The following ZNF558 variants were observed in gnomAD, a reference collection of about 807,000 sequenced individuals.
ZNF558 encodes zinc finger protein 558.
A neutral mutation model predicts 37.6 loss-of-function variants in ZNF558; 23 were observed. That is an observed-to-expected ratio of 0.61 (90% CI 0.44 to 0.87). ZNF558 has a LOEUF of 0.87. Among genes scored for constraint, ZNF558 ranks in the 40% least tolerant of loss-of-function variants. The pLI is 0.00. For missense variants in ZNF558, 429 were observed against 483.7 expected, an observed-to-expected ratio of 0.89 and a Z score of 1.06; for synonymous variants, 189 against 174.4, an observed-to-expected ratio of 1.08 and a Z score of -0.66.
At position 8,822,985 on chromosome 19, in the gene ZNF558, T is replaced by C. The variant is rs1317286820; in HGVS notation, c.-65-261A>G. On this transcript the variant is annotated intron_variant, in intron 4 of 9. Transcript: ENST00000601372. This position sits in a 1 kb window ranked among gnomAD's most constrained non-coding sequence, Gnocchi z 4.4. ...CTCGGCTTCACGCAGTCTCACGGCA[T>C]GTTCTTCCCATCCAAGCGCACCACA... 1.1e-5 allele frequency: 4 copies of C among 368,942 alleles called. No homozygotes were observed. The highest frequency in any genetic ancestry group is 2.0e-5 in the African/African-American group (1 of 48,972). The allele number at this position is 368,942 out of a possible 1,614,324, so 22.9% of individuals were successfully genotyped here.
rs1208017360 is a variant in ZNF558, at chr19:8,809,697, C to T, written c.*1584G>A. 3.3e-5 allele frequency: 5 copies of T among 152,054 alleles called. No individual in the cohort carries two copies. The highest frequency in any genetic ancestry group is 1.2e-4 in the African/African-American group (5 of 41,398). The allele number at this position is 152,054 out of a possible 1,614,324, so 9.4% of individuals were successfully genotyped here. ...ACAAGCAAATTAATTATAATAAATA[C>T]ATTGCATTAAAATTATGAAATATGT... On this transcript the variant is annotated 3_prime_UTR_variant, in exon 10 of 10. Transcript: ENST00000601372.
chr19:8,820,143 G>A (rs1249442474), intron 7 of ZNF558, among the ~76,000 whole-genome samples: 1 of 152,162 alleles, frequency 6.6e-6, no homozygotes, highest in Non-Finnish European at 1.5e-5. Context: ...GGCAAGTGCT[G>A]GGAAGATGCA....
chr19:8,813,367 T>A (rs1449960018), intron 7 of ZNF558, 145 bp from the exon 8 acceptor site: 18 of 654,414 alleles, frequency 2.8e-5, no homozygotes, highest in Admixed American at 1.1e-4. Flanking sequence ...TTCTTTTTTT[T>A]ATTTATTTTG....
At chr19:8,817,134 A>C (rs2043958766) in intron 7 of ZNF558, among the ~76,000 whole-genome samples, 1 of 152,206 alleles carries the variant, frequency 6.6e-6, no homozygotes, top group African/African-American at 2.4e-5. Context: ...GAAAAAAGTA[A>C]ATAGTTATAG....
chr19:8,820,319 A>G (rs1439863084), intron 7 of ZNF558, among the ~76,000 whole-genome samples: 16 of 152,212 alleles, frequency 1.1e-4, no homozygotes, highest in Non-Finnish European at 2.2e-4. Flanking sequence ...GTACACAAAA[A>G]TTCATAGTAT....
At chr19:8,826,628 G>A (rs989321332) in intron 2 of ZNF558, among the ~76,000 whole-genome samples, 3 of 152,028 alleles carry the variant, frequency 2.0e-5, no homozygotes, top group South Asian at 4.1e-4. Context: ...ATGAAGCTTC[G>A]CTCACCTGCC....
At chr19:8,833,590 A>G (rs1055640695), upstream of ZNF558, 2 of 152,192 alleles carry the variant, frequency 1.3e-5, no homozygotes, top group African/African-American at 4.8e-5. Context: ...AAAATAGGTA[A>G]ACGTCCTTGC....
At position 8,810,860 on chromosome 19, in the gene ZNF558, C is replaced by T. The variant is rs1162728309; in HGVS notation, c.*421G>A. The T allele has an allele frequency of 6.1e-6, 1 of 163,832 alleles. No homozygotes were observed. The highest frequency in any genetic ancestry group is 1.3e-5 in the Non-Finnish European group (1 of 75,102). The allele number at this position is 163,832 out of a possible 1,614,324, so 10.1% of individuals were successfully genotyped here. ...ATTGGTCCTCTCTTGGATCACTAAC[C>T]TTGGCGAGAACTTATTGCCAAATTG... On this transcript the variant is annotated 3_prime_UTR_variant, in exon 10 of 10. Transcript: ENST00000601372.
intron 8 of ZNF558, 34 bp from the exon 9 acceptor site, chr19:8,812,677 G>T: frequency 6.8e-7 from 1 of 1,460,762 alleles, no homozygotes; most frequent in South Asian, 1.3e-5. Flanking sequence ...TAGGTTGATG[G>T]AGAAAAGAAA....
At position 8,806,567 on chromosome 19, in the gene ZNF558, C is replaced by T. The variant is rs1343747546; in HGVS notation, c.*4714G>A. 1 of 152,044 alleles carries T rather than the reference C, an allele frequency of 6.6e-6. No homozygotes were observed. The highest frequency in any genetic ancestry group is 1.5e-5 in the Non-Finnish European group (1 of 68,080). 9.4% of individuals were successfully genotyped at this position (152,044 alleles called of 1,614,324 possible). On this transcript the variant is annotated 3_prime_UTR_variant, in exon 10 of 10. Transcript: ENST00000601372. The stretch of plus-strand genomic sequence containing the variant: ...TACAAAAATTAGCTGGGCGTGGTAG[C>T]ACACACCTGTAGTCCCAGCTACTCA...
chr19:8,828,290 C>T (rs894406144), intron 2 of ZNF558, among the ~76,000 whole-genome samples: 5 of 152,186 alleles, frequency 3.3e-5, no homozygotes, highest in African/African-American at 9.7e-5. Context: ...TCTTAACATG[C>T]GTCCCTGAGT....
At chr19:8,823,318 C>A (rs910179122) in intron 4 of ZNF558, among the ~76,000 whole-genome samples, 1 of 151,844 alleles carries the variant, frequency 6.6e-6, no homozygotes, top group Non-Finnish European at 1.5e-5. Flanking sequence ...TGTCCTCCGA[C>A]CACACGCAGG....
chr19:8,822,576 G>A lies in ZNF558; in HGVS notation c.31+53C>T. On this transcript the variant is annotated intron_variant, in intron 5 of 9. Transcript: ENST00000601372. This position sits in a 1 kb window ranked among gnomAD's most constrained non-coding sequence, Gnocchi z 4.4. The stretch of plus-strand genomic sequence containing the variant: ...ACCCCGCTCGTGTCCCATGCTGTGG[G>A]TCAGAACCTTTCAAGGCTGGACTCT... The A allele has an allele frequency of 6.2e-7, 1 of 1,613,388 alleles. No individual in the cohort carries two copies. The highest frequency in any genetic ancestry group is 1.3e-5 in the African/African-American group (1 of 75,008).
rs1599278831 is a variant in ZNF558, at chr19:8,822,423, C to T, written c.31+206G>A. On this transcript the variant is annotated intron_variant, in intron 5 of 9. Transcript: ENST00000601372. The surrounding 1 kb of genome is among the most constrained non-coding windows in gnomAD (Gnocchi z 4.4). ...AAGGGAGAATTCAAAAGCTCCAGCACATTCACCACACAGGTGACATCCACA... is the reference window on the plus strand; with the variant it reads ...AAGGGAGAATTCAAAAGCTCCAGCATATTCACCACACAGGTGACATCCACA... Among the ~76,000 whole-genome samples the T allele has an allele frequency of 6.6e-6, 1 of 152,220 alleles. No individual in the cohort carries two copies. The highest frequency in any genetic ancestry group is 2.4e-5 in the African/African-American group (1 of 41,452).
upstream of ZNF558, among the ~76,000 whole-genome samples, chr19:8,833,903 G>C (rs1030001789): frequency 1.3e-5 from 2 of 152,046 alleles, no homozygotes; most frequent in Non-Finnish European, 2.9e-5. Context: ...CAGGAGAATA[G>C]CTTGAACTCG....
chr19:8,832,426 G>C (rs953884379), upstream of ZNF558: 69 of 152,910 alleles, frequency 4.5e-4, no homozygotes, highest in African/African-American at 1.7e-3. Flanking sequence ...AGGCGCGGCG[G>C]GCGGGAGCGG....
rs1016411510 is a variant in ZNF558 at position 8,823,014 on chromosome 19, G to A, written c.-65-290C>T. 6 of 285,512 alleles carry A rather than the reference G, an allele frequency of 2.1e-5. No homozygotes were observed. The East Asian group carries it at 2.2e-4, about 10-fold the overall frequency. 17.7% of individuals were successfully genotyped at this position (285,512 alleles called of 1,614,324 possible). A position where few individuals can be genotyped will look rare whatever the true frequency, so the allele number is the denominator to read the frequency against. ...CTTCCCATCCAAGCGCACCACAAAC[G>A]CATTCCCGGCTACTCCCTCCTTCCC... On this transcript the variant is annotated intron_variant, in intron 4 of 9. Coordinates refer to ENST00000601372, the MANE Select transcript of ZNF558 (RefSeq NM_144693.3).
chr19:8,822,891 T>C lies in ZNF558; in HGVS notation c.-65-167A>G. The C allele has an allele frequency of 1.6e-6, 1 of 626,548 alleles. No individual in the cohort carries two copies. Among genetic ancestry groups the C allele is most frequent in the Non-Finnish European group, 2.8e-6 (1 of 363,396 alleles). 38.8% of individuals were successfully genotyped at this position (626,548 alleles called of 1,614,324 possible). ...AGGCAATGAATTCAGGGCCACCTGA[T>C]GGAAAACTTGCCTTCCTCTGTCCCC... On this transcript the variant is annotated intron_variant, in intron 4 of 9. Transcript: ENST00000601372. The surrounding 1 kb of genome is among the most constrained non-coding windows in gnomAD (Gnocchi z 4.4).
intron 7 of ZNF558, among the ~76,000 whole-genome samples, chr19:8,819,647 T>C (rs1355606283): frequency 6.6e-6 from 1 of 152,020 alleles, no homozygotes; most frequent in Non-Finnish European, 1.5e-5. Context: ...AAGTAAAACA[T>C]GGGCAGAGGA....
Sources: allele counts gnomAD v4.1 joint callset (sites outside exome capture counted in the v4.1 genomes callset), GRCh38; gene constraint gnomAD v4.1.1; non-coding constraint Gnocchi (gnomAD v3.1); transcripts MANE v1.5; gene names NCBI Gene and HGNC (gene_info 2026-07-23, HGNC 2026-07-21).